The following FTO variants were observed in gnomAD, a reference collection of about 807,000 sequenced individuals.
FTO encodes FTO alpha-ketoglutarate dependent dioxygenase.
In FTO, 47 loss-of-function variants were observed where a neutral mutation model predicts 63.9. The observed-to-expected ratio is 0.74, with a 90% CI of 0.58 to 0.94. The LOEUF is 0.94. Ranked by LOEUF, FTO falls within the 40% of genes least tolerant of loss-of-function variation. The pLI is 0.00. For missense variants in FTO, 562 were observed against 618.1 expected, an observed-to-expected ratio of 0.91 and a Z score of 0.96; for synonymous variants, 207 against 224.4, an observed-to-expected ratio of 0.92 and a Z score of 0.69.
chr16:53,928,890 C>CT (rs1032050416), intron 7 of FTO, among the ~76,000 whole-genome samples: 1 of 151,994 alleles, frequency 6.6e-6, no homozygotes, highest in African/African-American at 2.4e-5. Context: ...GTTGCCCAGG[C>CT]TGGAGTGCAG....
chr16:53,929,124 T>C (rs896268180), intron 7 of FTO, among the ~76,000 whole-genome samples: 5 of 152,228 alleles, frequency 3.3e-5, no homozygotes, highest in African/African-American at 1.2e-4. Flanking sequence ...ATTACAGGCA[T>C]GAGCCACATG....
chr16:53,950,274 G>A (rs1030414598), intron 8 of FTO, among the ~76,000 whole-genome samples: 1 of 151,186 alleles, frequency 6.6e-6, no homozygotes, highest in Non-Finnish European at 1.5e-5. Context: ...CTTAATAAAT[G>A]GACTGGAGCT....
intron 8 of FTO, among the ~76,000 whole-genome samples, chr16:54,103,631 G>T (rs1386686641): frequency 2.0e-5 from 3 of 152,214 alleles, no homozygotes; most frequent in Non-Finnish European, 2.9e-5. Flanking sequence ...TGAGTTATTT[G>T]ACATGCTGAC....
intron 8 of FTO, among the ~76,000 whole-genome samples, chr16:53,956,222 A>AGTTAG (rs1411307977): frequency 3.9e-5 from 6 of 152,156 alleles, no homozygotes; most frequent in African/African-American, 1.4e-4. Context: ...AACTAAAAAT[A>AGTTAG]TGACGGGCTT....
intron 1 of FTO, among the ~76,000 whole-genome samples, chr16:53,806,937 C>T (rs1245820583): frequency 6.6e-6 from 1 of 152,152 alleles, no homozygotes; most frequent in East Asian, 1.9e-4. Context: ...ATGAAAGGGC[C>T]TGTTTCTCTT....
At chr16:53,785,554 A>G (rs555016271) in intron 1 of FTO, among the ~76,000 whole-genome samples, 42 of 152,300 alleles carry the variant, frequency 2.8e-4, no homozygotes, top group Middle Eastern at 6.8e-3. Flanking sequence ...TTTGAAGGAC[A>G]GAAAGAAGGC....
chr16:54,063,422 G>C (rs2540784), intron 8 of FTO, among the ~76,000 whole-genome samples: 11,548 of 152,218 alleles, frequency 0.076, 665 homozygotes, highest in African/African-American at 0.15. Context: ...TGGAACTGCT[G>C]TTTCCCACTT....
At chr16:53,883,640 A>AC (rs1349723497) in intron 6 of FTO, among the ~76,000 whole-genome samples, 3 of 150,196 alleles carry the variant, frequency 2.0e-5, no homozygotes, top group Admixed American at 6.7e-5. Flanking sequence ...AAAAAACAAA[A>AC]AAAAAAAAAC....
intron 7 of FTO, among the ~76,000 whole-genome samples, chr16:53,927,942 C>G (rs2082186594): frequency 6.6e-6 from 1 of 152,150 alleles, no homozygotes; most frequent in Non-Finnish European, 1.5e-5. Flanking sequence ...TTTCAGGAAT[C>G]CCTTTGTTAA....
chr16:54,020,483 A>G (rs1107357), intron 8 of FTO, among the ~76,000 whole-genome samples: 47,398 of 152,082 alleles, frequency 0.31, 7,892 homozygotes, highest in South Asian at 0.44. Context: ...ACATAAGTAC[A>G]TGCTCTATGA....
rs1378803498 is a variant in FTO, at chr16:54,112,923, G to C, written c.*1008G>C. ...ATCCTGATGACATTGGAGACTCAAA[G>C]AGACAAGAGAGAGTAGGGTTTAAAA... On this transcript the variant is annotated 3_prime_UTR_variant, in exon 9 of 9. Transcript: ENST00000471389. 1 of 152,164 alleles carries C rather than the reference G, an allele frequency of 6.6e-6. No homozygotes were observed. Among genetic ancestry groups the C allele is most frequent in the African/African-American group, 2.4e-5 (1 of 41,442 alleles). 9.4% of individuals were successfully genotyped at this position (152,164 alleles called of 1,614,324 possible).
chr16:53,789,855 TAA>T, intron 1 of FTO, among the ~76,000 whole-genome samples: 1 of 146,640 alleles, frequency 6.8e-6, no homozygotes, highest in Non-Finnish European at 1.5e-5. Context: ...ACAAATTATA[TAA>T]ATGTATGTAT....
chr16:53,858,895 A>G lies in FTO; in HGVS notation c.895+14597A>G, dbSNP rs190154158. 3.1e-3 allele frequency among the ~76,000 whole-genome samples: 469 copies of G among 152,162 alleles called. 1 individual carries two copies. The highest frequency in any genetic ancestry group is 0.011 in the African/African-American group (446 of 41,522). On this transcript the variant is annotated intron_variant, in intron 4 of 8. Coordinates refer to ENST00000471389, the MANE Select transcript of FTO (RefSeq NM_001080432.3). Reference sequence around the variant, plus strand: ...AGGATAGTCTCGATCTCTTGACCTCATGATCCGCCCACCTCGGCCTCCCAA... The same window carrying G: ...AGGATAGTCTCGATCTCTTGACCTCGTGATCCGCCCACCTCGGCCTCCCAA...
At chr16:53,824,180 T>C (rs530631167) in intron 2 of FTO, among the ~76,000 whole-genome samples, 1 of 152,362 alleles carries the variant, frequency 6.6e-6, no homozygotes, top group South Asian at 2.1e-4. Flanking sequence ...TAGAGTTAGC[T>C]TCAGATTCCT....
At chr16:54,037,341 T>C (rs745928220) in intron 8 of FTO, among the ~76,000 whole-genome samples, 4 of 152,208 alleles carry the variant, frequency 2.6e-5, no homozygotes, top group Admixed American at 6.5e-5. Flanking sequence ...AAAGAGTAAG[T>C]TGAAGTACCC....
At chr16:53,742,157 G>A (rs111368947) in intron 1 of FTO, among the ~76,000 whole-genome samples, 1,668 of 152,208 alleles carry the variant, frequency 0.011, 28 homozygotes, top group East Asian at 0.04. Context: ...ATACTGAAGG[G>A]GAGGAATTCC....
At chr16:54,111,202 A>C (rs1416782713) in intron 8 of FTO, among the ~76,000 whole-genome samples, 5 of 152,204 alleles carry the variant, frequency 3.3e-5, no homozygotes, top group African/African-American at 1.2e-4. Flanking sequence ...ATTAACCTCT[A>C]TTTGCATATA....
intron 8 of FTO, among the ~76,000 whole-genome samples, chr16:53,954,757 G>A (rs1167549893): frequency 6.6e-6 from 1 of 152,070 alleles, no homozygotes; most frequent in Non-Finnish European, 1.5e-5. Context: ...TGAGCCGGAA[G>A]TGGTGCAGCA....
rs542246919 is a variant in FTO at position 54,115,024 on chromosome 16, T to A, written c.*3109T>A. The A allele has an allele frequency of 6.6e-6, 1 of 152,340 alleles. No homozygotes were observed. Among genetic ancestry groups the A allele is most frequent in the Admixed American group, 6.5e-5 (1 of 15,302 alleles). 9.4% of individuals were successfully genotyped at this position (152,340 alleles called of 1,614,324 possible). On this transcript the variant is annotated 3_prime_UTR_variant, in exon 9 of 9. Coordinates refer to ENST00000471389, the MANE Select transcript of FTO (RefSeq NM_001080432.3). ...AAGCAGCTGGTGCGGGCAATGACAATGAACTCGTATCCTGCAGGGTCAAAG... is the reference window on the plus strand; with the variant it reads ...AAGCAGCTGGTGCGGGCAATGACAAAGAACTCGTATCCTGCAGGGTCAAAG...
Sources: gnomAD v4.1 joint callset for allele counts (sites outside exome capture counted in the v4.1 genomes callset) on GRCh38, gnomAD v4.1.1 for gene constraint, MANE v1.5 for transcripts, NCBI Gene and HGNC (gene_info 2026-07-23, HGNC 2026-07-21) for gene names.